The following ZNF124 variants were observed in gnomAD, a reference collection of about 807,000 sequenced individuals.
ZNF124 encodes zinc finger protein HZF-16.
A neutral mutation model predicts 26.6 loss-of-function variants in ZNF124; 25 were observed. That is an observed-to-expected ratio of 0.94 (90% CI 0.68 to 1.31). The LOEUF (loss-of-function observed/expected upper bound fraction) is 1.31. ZNF124 is among the 40% of genes most tolerant of loss of function. The pLI is 0.00. For missense variants in ZNF124, 444 were observed against 422.2 expected, an observed-to-expected ratio of 1.05 and a Z score of -0.45; for synonymous variants, 129 against 133.3, an observed-to-expected ratio of 0.97 and a Z score of 0.22.
rs1452263333 is a variant in ZNF124 at position 247,157,946 on chromosome 1, T to C, written c.219-543A>G. ...CTCTATTAGTTCCTGAAAGATCCGA[T>C]TGTTAAAAAAAAAAAAAAAATGGTC... On this transcript the variant is annotated intron_variant, in intron 3 of 3. Coordinates refer to ENST00000543802, the MANE Select transcript of ZNF124 (RefSeq NM_001297568.2). Among the ~76,000 whole-genome samples the C allele has an allele frequency of 2.2e-5, 3 of 138,326 alleles. No homozygotes were observed. In the Admixed American group the frequency reaches 2.2e-4, roughly 10 times the overall value. 90.7% of individuals were successfully genotyped at this position (138,326 alleles called of 152,430 possible).
intron 3 of ZNF124, among the ~76,000 whole-genome samples, chr1:247,133,772 G>T (rs1672422478): frequency 6.7e-6 from 1 of 150,016 alleles, no homozygotes; most frequent in African/African-American, 2.5e-5. Context: ...TCCCACCTCA[G>T]CCTCCCAAGT....
At chr1:247,145,304 CAG>C (rs547544140) in intron 3 of ZNF124, among the ~76,000 whole-genome samples, 133 of 152,236 alleles carry the variant, frequency 8.7e-4, no homozygotes, top group Admixed American at 1.2e-3. Flanking sequence ...ACAACGTTGT[CAG>C]AGTGCAAATG....
At position 247,156,721 on chromosome 1, in the gene ZNF124, A is replaced by G; in HGVS notation, c.901T>C (p.Cys301Arg). Residue 301 changes from cysteine to arginine, a missense_variant, in exon 4 of 4, where the codon TGT becomes CGT. By Grantham distance (180) the Cys-to-Arg change is radical (BLOSUM62 -3). Coordinates refer to ENST00000543802, the MANE Select transcript of ZNF124 (RefSeq NM_001297568.2). Reference protein sequence around the residue: ...VCNNCGKGFRCSSSLRDHERT... With the variant: ...VCNNCGKGFRRSSSLRDHERT... ...TCATGGTCACGAAGGGAACTGGAAC[A>G]TCTGAAGCCTTTACCACAATTGTTA... 2 of 1,612,210 alleles carry G rather than the reference A, an allele frequency of 1.2e-6. No homozygotes were observed. The highest frequency in any genetic ancestry group is 1.7e-6 in the Non-Finnish European group (2 of 1,179,484).
intron 3 of ZNF124, among the ~76,000 whole-genome samples, chr1:247,158,219 C>T (rs1673264447): frequency 6.6e-6 from 1 of 152,118 alleles, no homozygotes; most frequent in Non-Finnish European, 1.5e-5. Flanking sequence ...CACTGCACTC[C>T]AGTCTGGATA....
At chr1:247,164,309 G>A (rs1171952729) in intron 1 of ZNF124, among the ~76,000 whole-genome samples, 1 of 151,994 alleles carries the variant, frequency 6.6e-6, no homozygotes, top group Non-Finnish European at 1.5e-5. Context: ...AGGAAGACAG[G>A]AAATCAAACT....
At chr1:247,138,713 T>TTA (rs889393909) in intron 3 of ZNF124, 3 of 398,476 alleles carry the variant, frequency 7.5e-6, no homozygotes, top group South Asian at 1.3e-4. Context: ...ACCCAAAACT[T>TTA]ACTAGAGTAG....
chr1:247,158,892 G>A, intron 3 of ZNF124, 114 bp downstream of exon 3: 1 of 941,578 alleles, frequency 1.1e-6, no homozygotes, highest in Admixed American at 2.7e-5. Context: ...GCATCCCAAA[G>A]TGCTGGGATT....
chr1:247,146,505 G>A (rs1177785289), intron 3 of ZNF124, among the ~76,000 whole-genome samples: 1 of 152,156 alleles, frequency 6.6e-6, no homozygotes, highest in Non-Finnish European at 1.5e-5. Flanking sequence ...TTTCACATTA[G>A]TGTAACCTGC....
At chr1:247,134,959 G>C (rs74958300) in intron 3 of ZNF124, among the ~76,000 whole-genome samples, 2 of 152,060 alleles carry the variant, frequency 1.3e-5, no homozygotes, top group African/African-American at 4.8e-5. Context: ...CAAACCACAC[G>C]ATTTCATGGA....
At chr1:247,167,127 G>A (rs1673825297) in intron 1 of ZNF124, among the ~76,000 whole-genome samples, 1 of 152,100 alleles carries the variant, frequency 6.6e-6, no homozygotes, top group Non-Finnish European at 1.5e-5. Flanking sequence ...GGACTACAAG[G>A]AAACTACAGT....
intron 3 of ZNF124, among the ~76,000 whole-genome samples, chr1:247,125,934 G>C (rs1377264144): frequency 6.6e-6 from 1 of 151,788 alleles, no homozygotes; most frequent in Non-Finnish European, 1.5e-5. Context: ...GGGAAAAAAA[G>C]TAAATATTGT....
At chr1:247,127,693 C>T (rs1410195185) in intron 3 of ZNF124, among the ~76,000 whole-genome samples, 1 of 148,788 alleles carries the variant, frequency 6.7e-6, no homozygotes, top group African/African-American at 2.5e-5. Flanking sequence ...CCGGTGCATG[C>T]AGCCCCCAGT....
downstream of ZNF124, among the ~76,000 whole-genome samples, chr1:247,154,237 C>T (rs1437401830): frequency 2.0e-5 from 3 of 152,168 alleles, no homozygotes; most frequent in Non-Finnish European, 4.4e-5. Flanking sequence ...ATCATGGGGA[C>T]GGTTTCCCCC....
rs1449650526 is a variant in ZNF124 at position 247,156,510 on chromosome 1, TC to T, written c.*55del. ...TTTCCTACACCTTACATTCACAGTTTCTCTCAAGTATGTGACTGTTCATGTT... is the reference window on the plus strand; with the variant it reads ...TTTCCTACACCTTACATTCACAGTTTTCTCAAGTATGTGACTGTTCATGTT... On this transcript the variant is annotated 3_prime_UTR_variant, in exon 4 of 4. Coordinates refer to ENST00000543802, the MANE Select transcript of ZNF124 (RefSeq NM_001297568.2). 5.5e-6 allele frequency: 8 copies of T among 1,466,580 alleles called. No homozygotes were observed. The highest frequency in any genetic ancestry group is 7.2e-6 in the Non-Finnish European group (8 of 1,110,270). The allele number at this position is 1,466,580 out of a possible 1,614,324, so 90.8% of individuals were successfully genotyped here.
chr1:247,133,050 G>C (rs12066857), intron 3 of ZNF124, among the ~76,000 whole-genome samples: 4,405 of 152,142 alleles, frequency 0.029, 231 homozygotes, highest in African/African-American at 0.1. Context: ...GTTTAGAGAA[G>C]AACACAAATG....
chr1:247,156,998 A>G lies in ZNF124; in HGVS notation c.624T>C (p.Cys208=). ...RTHTGEKPYE[C]KHCGKAFRYS... ...AACGGAAGGCTTTCCCACAGTGCTT[A>G]CATTCATAGGGTTTCTCTCCAGTAT... The change falls in exon 4 of 4, where the codon TGT becomes TGC. Residue 208 remains cysteine, a synonymous_variant. Coordinates refer to ENST00000543802, the MANE Select transcript of ZNF124 (RefSeq NM_001297568.2). 1 of 1,613,968 alleles carries G rather than the reference A, an allele frequency of 6.2e-7. No individual in the cohort carries two copies. The highest frequency in any genetic ancestry group is 8.5e-7 in the Non-Finnish European group (1 of 1,179,968).
At chr1:247,147,985 C>T (rs2103110968) in intron 3 of ZNF124, among the ~76,000 whole-genome samples, 1 of 152,306 alleles carries the variant, frequency 6.6e-6, no homozygotes, top group African/African-American at 2.4e-5. Flanking sequence ...GAGAGAGATT[C>T]TCTGCTTATA....
chr1:247,144,198 G>T (rs1672703068), intron 3 of ZNF124, among the ~76,000 whole-genome samples: 1 of 152,140 alleles, frequency 6.6e-6, no homozygotes, highest in African/African-American at 2.4e-5. Flanking sequence ...TTACTCTGCG[G>T]GTTTCGGGTA....
intron 1 of ZNF124, among the ~76,000 whole-genome samples, chr1:247,167,802 C>G (rs369923068): frequency 2.0e-5 from 3 of 152,124 alleles, no homozygotes; most frequent in Non-Finnish European, 4.4e-5. Context: ...GGGAGAAAAT[C>G]TTCACCAACT....
Sources: allele counts gnomAD v4.1 joint callset (sites outside exome capture counted in the v4.1 genomes callset), GRCh38; gene constraint gnomAD v4.1.1; transcripts MANE v1.5; gene names NCBI Gene and HGNC (gene_info 2026-07-23, HGNC 2026-07-21).